NOX4: variants seen among roughly 807,000 people sequenced by gnomAD.
NOX4 encodes kidney oxidase-1.
NOX4 carries 69 observed loss-of-function variants against 87.6 expected under a neutral mutation model. That is an observed-to-expected ratio of 0.79 (90% CI 0.65 to 0.96). The LOEUF is 0.96. Ranked by LOEUF, NOX4 falls within the 40% of genes least tolerant of loss-of-function variation. The pLI is 0.00. For synonymous variants in NOX4, 275 were observed against 238.2 expected (o/e 1.15, Z -1.42); for missense variants, 680 against 681.5 (o/e 1.00, Z 0.02).
intron 2 of NOX4, among the ~76,000 whole-genome samples, chr11:89,460,498 G>A (rs2135413615): frequency 6.6e-6 from 1 of 152,190 alleles, no homozygotes; most frequent in African/African-American, 2.4e-5. Flanking sequence ...GTGGGCGAAG[G>A]ATATGAACAG....
chr11:89,561,068 T>TC, the NOX4 span, among the ~76,000 whole-genome samples: 11 of 115,136 alleles, frequency 9.6e-5, no homozygotes, highest in African/African-American at 3.7e-4. Context: ...TATATATATA[T>TC]ATATATATAT....
chr11:89,336,182 C>G (rs558934111), intron 16 of NOX4: 1 of 336,018 alleles, frequency 3.0e-6, no homozygotes, highest in African/African-American at 2.1e-5. Flanking sequence ...CAAACAAAAT[C>G]TATTCTGGTA....
chr11:89,515,411 G>A, the NOX4 span, among the ~76,000 whole-genome samples: 1 of 150,178 alleles, frequency 6.7e-6, no homozygotes, highest in Non-Finnish European at 1.5e-5. Flanking sequence ...TTATTGCTTT[G>A]GTTAAAAAAT....
At chr11:89,468,694 ATT>A (rs779550641) in intron 2 of NOX4, among the ~76,000 whole-genome samples, 9 of 152,088 alleles carry the variant, frequency 5.9e-5, no homozygotes, top group Non-Finnish European at 1.2e-4. Context: ...TGAATTCTGT[ATT>A]CTTATATTTT....
the NOX4 span, among the ~76,000 whole-genome samples, chr11:89,549,136 T>A: frequency 6.6e-6 from 1 of 152,238 alleles, no homozygotes; most frequent in Non-Finnish European, 1.5e-5. Context: ...AATTCTTGTG[T>A]GGAAATCATC....
the NOX4 span, among the ~76,000 whole-genome samples, chr11:89,571,866 G>A: frequency 3.3e-5 from 5 of 152,048 alleles, no homozygotes; most frequent in Non-Finnish European, 5.9e-5. Context: ...AAGGACAGAC[G>A]GAACTCAAAG....
chr11:89,384,137 T>C (rs1032686166), intron 11 of NOX4, among the ~76,000 whole-genome samples: 4 of 152,180 alleles, frequency 2.6e-5, no homozygotes, highest in African/African-American at 9.7e-5. Context: ...ATCAACCAAA[T>C]TGTTTTGCCT....
chr11:89,327,155 T>C (rs908864919), intron 17 of NOX4, among the ~76,000 whole-genome samples: 3 of 152,210 alleles, frequency 2.0e-5, no homozygotes, highest in African/African-American at 7.2e-5. Flanking sequence ...CAGTTTGCCT[T>C]AGTCTTTTCA....
the NOX4 span, among the ~76,000 whole-genome samples, chr11:89,535,380 G>T: frequency 6.6e-6 from 1 of 152,204 alleles, no homozygotes; most frequent in East Asian, 1.9e-4. Context: ...ACACGTAAAC[G>T]TGTTCCCTAT....
chr11:89,536,144 T>C, the NOX4 span, among the ~76,000 whole-genome samples: 2 of 133,318 alleles, frequency 1.5e-5, no homozygotes, highest in African/African-American at 3.1e-5. Flanking sequence ...TTTTCTTTTT[T>C]TTTTTTTTTT....
At chr11:89,581,280 G>A in the NOX4 span, among the ~76,000 whole-genome samples, 1 of 152,078 alleles carries the variant, frequency 6.6e-6, no homozygotes, top group African/African-American at 2.4e-5. Flanking sequence ...AAAAACTCAA[G>A]GTTATTCTTC....
chr11:89,384,617 C>T (rs1161258141), intron 11 of NOX4, among the ~76,000 whole-genome samples: 1 of 152,104 alleles, frequency 6.6e-6, no homozygotes, highest in Non-Finnish European at 1.5e-5. Flanking sequence ...ATCTAGGTGA[C>T]CCCATAGATC....
intron 13 of NOX4, among the ~76,000 whole-genome samples, chr11:89,343,960 A>C (rs1590972341): frequency 6.6e-6 from 1 of 152,108 alleles, no homozygotes; most frequent in East Asian, 1.9e-4. Context: ...AGTAGAATTT[A>C]TTTACATTTA....
intron 14 of NOX4, among the ~76,000 whole-genome samples, chr11:89,341,561 T>C (rs964709220): frequency 6.6e-6 from 1 of 152,218 alleles, no homozygotes; most frequent in African/African-American, 2.4e-5. Flanking sequence ...TATTTCCATA[T>C]CCATTAATGT....
chr11:89,393,025 C>T (rs1194102616), intron 11 of NOX4, among the ~76,000 whole-genome samples: 1 of 152,108 alleles, frequency 6.6e-6, no homozygotes, highest in Non-Finnish European at 1.5e-5. Flanking sequence ...TCACAGTGGC[C>T]TCTAAAGTGC....
At chr11:89,417,939 T>G (rs569003389) in intron 8 of NOX4, among the ~76,000 whole-genome samples, 61 of 152,206 alleles carry the variant, frequency 4.0e-4, no homozygotes, top group Non-Finnish European at 7.5e-4. Context: ...TATAATATAC[T>G]AACATCTTGG....
intron 14 of NOX4, among the ~76,000 whole-genome samples, chr11:89,341,142 TGGCAGAGTC>T (rs1184392837): frequency 6.9e-6 from 1 of 144,806 alleles, no homozygotes; most frequent in African/African-American, 2.5e-5. Context: ...TTTTTTTTTT[TGGCAGAGTC>T]TCGCTCTGTC....
chr11:89,497,561 C>T (rs12276146), intron 1 of NOX4, among the ~76,000 whole-genome samples: 9 of 152,096 alleles, frequency 5.9e-5, no homozygotes, highest in African/African-American at 1.9e-4. Context: ...GAAATTAAAG[C>T]CTTTTTCTCA....
chr11:89,356,103 T>C (rs1938024541), intron 12 of NOX4, among the ~76,000 whole-genome samples: 1 of 152,124 alleles, frequency 6.6e-6, no homozygotes, highest in South Asian at 2.1e-4. Flanking sequence ...CTAAGCAATG[T>C]ATTATTTAAG....
Sources: allele counts gnomAD v4.1 joint callset (sites outside exome capture counted in the v4.1 genomes callset), GRCh38; gene constraint gnomAD v4.1.1; transcripts MANE v1.5; gene names NCBI Gene and HGNC (gene_info 2026-07-23, HGNC 2026-07-21).